RALGAPA2: variants seen among roughly 807,000 people sequenced by gnomAD.
The protein encoded by RALGAPA2 is ral GTPase-activating protein subunit alpha-2.
RALGAPA2 carries 139 observed loss-of-function variants against 230.4 expected under a neutral mutation model. That is an observed-to-expected ratio of 0.60 (90% confidence interval 0.53 to 0.69). The LOEUF is 0.69. Ranked by LOEUF, RALGAPA2 falls within the 30% of genes least tolerant of loss-of-function variation. RALGAPA2 has a pLI of 0.00. For missense variants in RALGAPA2, 2,163 were observed against 2,276.0 expected (o/e 0.95, Z 1.01); for synonymous variants, 847 against 837.8 (o/e 1.01, Z -0.19).
rs768394471 is a variant in RALGAPA2 at position 20,511,312 on chromosome 20, G to A, written c.4870C>T (p.Leu1624=). The change falls in exon 33 of 40, where the codon CTA becomes TTA. Residue 1624 remains leucine, a synonymous_variant. Transcript: ENST00000202677. ...NSWDRRKNFH[L]LKKNSKLLRE... ...AATAATTTTGAATTTTTCTTCAATA[G>A]ATGAAAATTCTTCCTATAAAGAAAA... is the stretch of plus-strand genomic sequence containing the variant. The A allele has an allele frequency of 1.3e-6, 2 of 1,556,216 alleles. No homozygotes were observed. Among genetic ancestry groups the A allele is most frequent in the Non-Finnish European group, 1.7e-6 (2 of 1,149,942 alleles).
intron 39 of RALGAPA2, among the ~76,000 whole-genome samples, chr20:20,395,491 T>C (rs989697866): frequency 2.6e-5 from 4 of 152,220 alleles, no homozygotes; most frequent in Admixed American, 2.0e-4. Context: ...CAGGAGGACA[T>C]GCATGGAGAC....
intron 36 of RALGAPA2, among the ~76,000 whole-genome samples, chr20:20,482,164 C>G (rs1013912083): frequency 2.6e-5 from 4 of 152,078 alleles, no homozygotes; most frequent in Non-Finnish European, 4.4e-5. Flanking sequence ...TACAGTGAAT[C>G]TTTCTGTGTC....
chr20:20,651,901 G>A (rs1003990815), intron 4 of RALGAPA2, among the ~76,000 whole-genome samples: 2 of 152,156 alleles, frequency 1.3e-5, no homozygotes, highest in African/African-American at 4.8e-5. Flanking sequence ...AAATCCCCAT[G>A]ATGTCTCTTT....
intron 38 of RALGAPA2, among the ~76,000 whole-genome samples, chr20:20,406,037 A>T (rs1468485548): frequency 6.6e-6 from 1 of 152,244 alleles, no homozygotes; most frequent in East Asian, 1.9e-4. Context: ...AGGCTTACAT[A>T]TGCTAAGGAA....
intron 23 of RALGAPA2, among the ~76,000 whole-genome samples, chr20:20,560,723 T>G (rs1213737108): frequency 2.6e-5 from 4 of 152,224 alleles, no homozygotes; most frequent in Non-Finnish European, 5.9e-5. Flanking sequence ...AGTATAACTT[T>G]AGTACCTGAA....
At chr20:20,483,157 A>G (rs760961813) in intron 36 of RALGAPA2, among the ~76,000 whole-genome samples, 2 of 152,220 alleles carry the variant, frequency 1.3e-5, no homozygotes, top group Non-Finnish European at 2.9e-5. Context: ...GCCAGAAACC[A>G]AAATGGTAAA....
rs1364791758 is a variant in RALGAPA2 at position 20,639,893 on chromosome 20, T to C, written c.558A>G (p.Ile186Met). The C allele has an allele frequency of 2.5e-6, 4 of 1,606,730 alleles. No homozygotes were observed. Among genetic ancestry groups the C allele is most frequent in the Admixed American group, 1.7e-5 (1 of 59,972 alleles). Residue 186 changes from isoleucine to methionine, a missense_variant, in exon 7 of 40, where the codon ATA (isoleucine) becomes ATG (methionine). Transcript: ENST00000202677. ...NPSPSVADVK[I>M]YPEEITPLLP... Reference sequence around the variant, plus strand: ...GGAGTGGAGTGATTTCTTCTGGATATATCTTTACTGAAAGGACAGAAAATG... The same window carrying C: ...GGAGTGGAGTGATTTCTTCTGGATACATCTTTACTGAAAGGACAGAAAATG...
Position 20,619,307 on chromosome 20 carries a change from A to C in RALGAPA2, c.1509T>G (p.Asn503Lys). Residue 503 changes from asparagine to lysine, a missense_variant, in exon 12 of 40, where the codon AAT becomes AAG. Physicochemically the swap from Asn to Lys is moderately conservative, Grantham distance 94 (BLOSUM62 0). Coordinates refer to ENST00000202677, the MANE Select transcript of RALGAPA2 (RefSeq NM_020343.4). ...RGCVTEEENTNVKAGVQALLQ... is the reference protein window; with the variant it reads ...RGCVTEEENTKVKAGVQALLQ... ...ACAAAGCCTGGACGCCGGCTTTCAC[A>C]TTTGTATTTTCCTCCTCTGTCACAC... The C allele has an allele frequency of 6.2e-7, 1 of 1,609,992 alleles. No homozygotes were observed. Among genetic ancestry groups the C allele is most frequent in the Non-Finnish European group, 8.5e-7 (1 of 1,177,438 alleles).
At chr20:20,438,566 A>G (rs1392438965) in intron 37 of RALGAPA2, among the ~76,000 whole-genome samples, 1 of 152,170 alleles carries the variant, frequency 6.6e-6, no homozygotes, top group Non-Finnish European at 1.5e-5. Context: ...GGCAGTGATC[A>G]GGGTGACTCA....
At chr20:20,566,801 T>C (rs1023203458) in intron 23 of RALGAPA2, among the ~76,000 whole-genome samples, 1 of 152,214 alleles carries the variant, frequency 6.6e-6, no homozygotes, top group Admixed American at 6.5e-5. Context: ...TTGAGGTCCA[T>C]GCTCTTAACC....
chr20:20,676,426 G>A (rs1472338924), intron 2 of RALGAPA2, 138 bp from the exon 3 acceptor site: 3 of 546,836 alleles, frequency 5.5e-6, no homozygotes, highest in Admixed American at 7.4e-5. Flanking sequence ...AGGCAGTATG[G>A]AGAACACATT....
intron 3 of RALGAPA2, among the ~76,000 whole-genome samples, chr20:20,673,352 T>G (rs1008777593): frequency 9.1e-4 from 139 of 152,006 alleles, no homozygotes; most frequent in African/African-American, 3.1e-3. Flanking sequence ...CAAACACTAC[T>G]ACTACTACTA....
At chr20:20,563,673 CAT>C (rs1360358450) in intron 23 of RALGAPA2, among the ~76,000 whole-genome samples, 4 of 152,160 alleles carry the variant, frequency 2.6e-5, no homozygotes, top group Non-Finnish European at 5.9e-5. Context: ...ATCATGCCCA[CAT>C]GTCTTCCTTT....
At chr20:20,455,489 A>C (rs1173626405) in intron 37 of RALGAPA2, among the ~76,000 whole-genome samples, 1 of 152,194 alleles carries the variant, frequency 6.6e-6, no homozygotes, top group East Asian at 1.9e-4. Flanking sequence ...GCCATGTGAA[A>C]TCTCTGGCTG....
chr20:20,687,030 C>T (rs985964162), intron 1 of RALGAPA2, among the ~76,000 whole-genome samples: 2 of 152,182 alleles, frequency 1.3e-5, no homozygotes. Flanking sequence ...CCATCCAAGC[C>T]CTGCCTATAG....
chr20:20,396,773 C>T (rs779911200), intron 38 of RALGAPA2, 39 bp from the exon 39 acceptor site: 4 of 1,410,934 alleles, frequency 2.8e-6, no homozygotes, highest in African/African-American at 1.7e-5. Context: ...AATACAAACA[C>T]AACACCCCCA....
chr20:20,608,007 G>A (rs2065872161), intron 14 of RALGAPA2, among the ~76,000 whole-genome samples: 1 of 152,142 alleles, frequency 6.6e-6, no homozygotes, highest in African/African-American at 2.4e-5. Context: ...AAGGAAGAGG[G>A]AAACAAACAG....
chr20:20,426,293 T>C (rs1049416248), intron 37 of RALGAPA2, among the ~76,000 whole-genome samples: 1 of 152,222 alleles, frequency 6.6e-6, no homozygotes, highest in Non-Finnish European at 1.5e-5. Flanking sequence ...GCTGTCAAGA[T>C]TGGTCATGAA....
At chr20:20,470,558 C>T (rs533141047) in intron 37 of RALGAPA2, among the ~76,000 whole-genome samples, 2 of 152,180 alleles carry the variant, frequency 1.3e-5, no homozygotes, top group East Asian at 3.9e-4. Flanking sequence ...TCCCCAAGGG[C>T]TGAGGAGATC....
Sources: allele counts gnomAD v4.1 joint callset (sites outside exome capture counted in the v4.1 genomes callset), GRCh38; gene constraint gnomAD v4.1.1; transcripts MANE v1.5; gene names NCBI Gene and HGNC (gene_info 2026-07-23, HGNC 2026-07-21).